CCDC85C: variants seen among roughly 807,000 people sequenced by gnomAD.
The protein encoded by CCDC85C is coiled-coil domain-containing protein 85C.
Under a neutral mutation model 38.3 loss-of-function variants are expected in CCDC85C, and 18 were observed. That is an observed-to-expected ratio of 0.47 (90% confidence interval 0.33 to 0.70). The LOEUF (loss-of-function observed/expected upper bound fraction) is 0.70. Among genes scored for constraint, CCDC85C ranks in the 30% least tolerant of loss-of-function variants. The pLI is 0.03. For synonymous variants in CCDC85C, 264 were observed against 293.8 expected (o/e 0.90, Z 1.04); for missense variants, 566 against 621.2 (o/e 0.91, Z 0.94).
intron 1 of CCDC85C, among the ~76,000 whole-genome samples, chr14:99,597,996 G>C (rs142511324): frequency 6.6e-6 from 1 of 152,214 alleles, no homozygotes; most frequent in African/African-American, 2.4e-5. Context: ...AAGCTGCCAC[G>C]GCCATAAAGC....
chr14:99,555,354 G>C (rs1231848302), intron 1 of CCDC85C, among the ~76,000 whole-genome samples: 1 of 152,182 alleles, frequency 6.6e-6, no homozygotes, highest in African/African-American at 2.4e-5. Flanking sequence ...TAGGGTGTCC[G>C]CCGGCTTGTC....
chr14:99,577,871 G>A (rs1197965680), intron 1 of CCDC85C, among the ~76,000 whole-genome samples: 8 of 140,662 alleles, frequency 5.7e-5, no homozygotes, highest in South Asian at 4.3e-4. Context: ...GTGTGTGTGC[G>A]TGTGCACATC....
At chr14:99,552,383 G>A (rs1028751230) in intron 1 of CCDC85C, among the ~76,000 whole-genome samples, 3 of 152,224 alleles carry the variant, frequency 2.0e-5, no homozygotes, top group African/African-American at 7.2e-5. Flanking sequence ...CCCTTGCAGG[G>A]AGGGGGAGGC....
chr14:99,603,852 C>T lies in CCDC85C; in HGVS notation c.108G>A (p.Arg36=). The part of the protein sequence containing the change: ...WSKEELARRL[R]RAEGEKVGLM... ...GGCCCACCTTCTCGCCCTCGGCGCG[C>T]CGCAGCCGCCGCGCCAGCTCCTCCT... The change falls in exon 1 of 6, where the codon CGG becomes CGA. Residue 36 remains arginine (R), a synonymous_variant. Transcript: ENST00000380243. The surrounding 1 kb of genome is among the most constrained non-coding windows in gnomAD (Gnocchi z 7.5). 6.6e-7 allele frequency: 1 copy of T among 1,517,058 alleles called. No individual in the cohort carries two copies. Among genetic ancestry groups the T allele is most frequent in the Non-Finnish European group, 8.8e-7 (1 of 1,138,754 alleles). The allele number at this position is 1,517,058 out of a possible 1,614,324, so 94.0% of individuals were successfully genotyped here.
chr14:99,590,004 G>A (rs879417040), intron 1 of CCDC85C, among the ~76,000 whole-genome samples: 2 of 152,208 alleles, frequency 1.3e-5, no homozygotes, highest in Non-Finnish European at 2.9e-5. Context: ...CCAAACAAGA[G>A]GTCTTTTCAT....
intron 1 of CCDC85C, among the ~76,000 whole-genome samples, chr14:99,541,992 T>C (rs1897722032): frequency 6.6e-6 from 1 of 152,176 alleles, no homozygotes; most frequent in African/African-American, 2.4e-5. Flanking sequence ...CCCTGGTCAA[T>C]TTCTGCAAGG....
intron 1 of CCDC85C, among the ~76,000 whole-genome samples, chr14:99,593,068 G>A (rs866480191): frequency 2.5e-4 from 38 of 152,350 alleles, no homozygotes; most frequent in African/African-American, 7.9e-4. Context: ...CAGTGTGGCC[G>A]GAACCCGCCA....
chr14:99,561,104 C>A (rs2139949222), intron 1 of CCDC85C, among the ~76,000 whole-genome samples: 1 of 152,340 alleles, frequency 6.6e-6, no homozygotes, highest in African/African-American at 2.4e-5. Flanking sequence ...AGTGCTGAAG[C>A]CCCACCCACT....
rs1004523275 is a variant in CCDC85C, at chr14:99,516,698, G to C, written c.1071+390C>G. On this transcript the variant is annotated intron_variant, in intron 4 of 5. Coordinates refer to ENST00000380243, the MANE Select transcript of CCDC85C (RefSeq NM_001144995.2). The surrounding 1 kb of genome is among the most constrained non-coding windows in gnomAD (Gnocchi z 5.5). ...AGGGGGGCATGGGAGTGGGGACTGT[G>C]CTCAGGTGTGCACAGCCTGGAGGAA... Among the ~76,000 whole-genome samples, 9 of 152,156 alleles carry C rather than the reference G, an allele frequency of 5.9e-5. No individual in the cohort carries two copies. The highest frequency in any genetic ancestry group is 3.3e-4 in the Admixed American group (5 of 15,282).
intron 1 of CCDC85C, among the ~76,000 whole-genome samples, chr14:99,575,073 C>T (rs929455112): frequency 6.6e-6 from 1 of 152,176 alleles, no homozygotes; most frequent in African/African-American, 2.4e-5. Context: ...GCATCTGGAA[C>T]GGGGCTTGGT....
At chr14:99,570,529 G>A (rs1269079697) in intron 1 of CCDC85C, among the ~76,000 whole-genome samples, 1 of 152,162 alleles carries the variant, frequency 6.6e-6, no homozygotes, top group African/African-American at 2.4e-5. Flanking sequence ...GCTCGGGGCT[G>A]GGCCTCGGAT....
intron 1 of CCDC85C, among the ~76,000 whole-genome samples, chr14:99,591,431 T>TCCCAC (rs2055085039): frequency 5.9e-5 from 9 of 151,922 alleles, no homozygotes; most frequent in East Asian, 1.9e-4. Flanking sequence ...CTGCGGAGGC[T>TCCCAC]GCCACGGCTC....
chr14:99,596,580 C>T (rs2055145491), intron 1 of CCDC85C, among the ~76,000 whole-genome samples: 2 of 152,224 alleles, frequency 1.3e-5, no homozygotes, highest in African/African-American at 2.4e-5. Flanking sequence ...CGGCTCCAGG[C>T]CTGCCCAGAA....
intron 1 of CCDC85C, among the ~76,000 whole-genome samples, chr14:99,539,103 T>G (rs555048027): frequency 3.3e-5 from 5 of 152,322 alleles, no homozygotes; most frequent in African/African-American, 1.2e-4. Flanking sequence ...TTCTTTTAAA[T>G]TTCAAAATAA....
chr14:99,522,088 G>T, intron 3 of CCDC85C, 45 bp downstream of exon 3: 1 of 1,458,204 alleles, frequency 6.9e-7, no homozygotes, highest in Non-Finnish European at 9.4e-7. Flanking sequence ...CTGAGCCTCA[G>T]CCCCTCATCC....
Position 99,504,081 on chromosome 14 carries a change from G to T in CCDC85C, c.*11165C>A, listed in dbSNP as rs184007727. 192 of 386,586 alleles carry T rather than the reference G, an allele frequency of 5.0e-4. No individual in the cohort carries two copies. The highest frequency in any genetic ancestry group is 3.3e-3 in the African/African-American group (153 of 46,548). 23.9% of individuals were successfully genotyped at this position (386,586 alleles called of 1,614,324 possible). A position where few individuals can be genotyped will look rare whatever the true frequency, so the allele number is the denominator to read the frequency against. On this transcript the variant is annotated 3_prime_UTR_variant, in exon 6 of 6. Coordinates refer to ENST00000380243, the MANE Select transcript of CCDC85C (RefSeq NM_001144995.2). ...CAGCCCAGCTGCCCTTGCAGGCAAG[G>T]CCTCTTTGAAACACACTTGGGTTGA...
intron 1 of CCDC85C, among the ~76,000 whole-genome samples, chr14:99,573,306 T>A (rs191507001): frequency 1.4e-3 from 208 of 152,326 alleles, no homozygotes; most frequent in Middle Eastern, 6.8e-3. Context: ...CGGCTCTGCC[T>A]GGTGCATGGG....
At chr14:99,527,829 C>T (rs940539300) in intron 2 of CCDC85C, among the ~76,000 whole-genome samples, 1 of 152,184 alleles carries the variant, frequency 6.6e-6, no homozygotes, top group African/African-American at 2.4e-5. Context: ...TCTTCTCCCT[C>T]CGTGCACTGC....
At chr14:99,534,917 T>TG (rs146978895) in intron 2 of CCDC85C, 5 of 579,358 alleles carry the variant, frequency 8.6e-6, no homozygotes, top group South Asian at 8.0e-5. Context: ...TGGTGGGGAG[T>TG]GGGGGGCGGG....
Sources: gnomAD v4.1 joint callset for allele counts (sites outside exome capture counted in the v4.1 genomes callset) on GRCh38, gnomAD v4.1.1 for gene constraint, Gnocchi (gnomAD v3.1) non-coding constraint, MANE v1.5 for transcripts, NCBI Gene and HGNC (gene_info 2026-07-23, HGNC 2026-07-21) for gene names.